Variants in RSKR observed in about 807,000 individuals in gnomAD.
RSKR encodes ribosomal protein S6 kinase related, also known as ribosomal protein S6 kinase-related protein.
Under a neutral mutation model 56.8 loss-of-function variants are expected in RSKR, and 44 were observed. The ratio of observed to expected loss-of-function variants is 0.77; its 90% confidence interval spans 0.61 to 1.00. The LOEUF is 1.00. Among genes scored for constraint, RSKR ranks in the 50% least tolerant of loss-of-function variants. RSKR has a pLI of 0.00. For missense variants in RSKR, 510 were observed against 506.9 expected (o/e 1.01, Z -0.06); for synonymous variants, 181 against 188.0 (o/e 0.96, Z 0.30).
At chr17:28,612,890 G>C in intron 4 of RSKR, 188 bp downstream of exon 4, 1 of 750,682 alleles carries the variant, frequency 1.3e-6, no homozygotes. Context: ...ATGCTTCAGA[G>C]ATTTCCCTAG....
rs1441986337 is a variant in RSKR, at chr17:28,609,013, T to TCTC, written c.*1464_*1465insGAG. ...TTACTAAAGGAAAAGGTTATTGAGATATGTCTCTAACCTTAAATCTTTTTT... is the reference window on the plus strand; with the variant it reads ...TTACTAAAGGAAAAGGTTATTGAGATCTCATGTCTCTAACCTTAAATCTTTTTT... On this transcript the variant is annotated 3_prime_UTR_variant, in exon 12 of 12. Coordinates refer to ENST00000301037, the MANE Select transcript of RSKR (RefSeq NM_001174103.2). 1 of 149,990 alleles carries TCTC rather than the reference T, an allele frequency of 6.7e-6. No homozygotes were observed. Among genetic ancestry groups the TCTC allele is most frequent in the Non-Finnish European group, 1.5e-5 (1 of 67,532 alleles). The allele number at this position is 149,990 out of a possible 1,614,324, so 9.3% of individuals were successfully genotyped here.
chr17:28,612,630 G>T lies in RSKR; in HGVS notation c.535C>A (p.His179Asn), dbSNP rs1291525036. Reference protein sequence around the residue: ...SLGDSWQGKRHLFIMCSYCST... With the variant: ...SLGDSWQGKRNLFIMCSYCST... ...TCCAGTCACTCACTAATGAAAAGGT[G>T]CCGTTTTCCCTGCCAGCTGTCCCCC... Residue 179 changes from histidine (H) to asparagine (N), a missense_variant, in exon 5 of 12, where the codon CAC (histidine) becomes AAC (asparagine). By Grantham distance (68) the His-to-Asn change is moderately conservative. Coordinates refer to ENST00000301037, the MANE Select transcript of RSKR (RefSeq NM_001174103.2). 6.2e-7 allele frequency: 1 copy of T among 1,614,160 alleles called. No individual in the cohort carries two copies. Among genetic ancestry groups the T allele is most frequent in the Non-Finnish European group, 8.5e-7 (1 of 1,180,024 alleles).
rs752920812 is a variant in RSKR at position 28,613,420 on chromosome 17, C to A, written c.324+20G>T. On this transcript the variant is annotated intron_variant, in intron 2 of 11. Transcript: ENST00000301037. ...TTCTCCCAAAGACTGAGACCCCACT[C>A]AGGGATTCCACTGACTTACCTTCAG... 2 of 1,614,086 alleles carry A rather than the reference C, an allele frequency of 1.2e-6. No homozygotes were observed. The highest frequency in any genetic ancestry group is 1.7e-6 in the Non-Finnish European group (2 of 1,180,036).
rs747205866 is a variant in RSKR, at chr17:28,612,672, G to A, written c.493C>T (p.Pro165Ser). 7 of 1,614,206 alleles carry A rather than the reference G, an allele frequency of 4.3e-6. No individual in the cohort carries two copies. The Admixed American group carries it at 1.2e-4, about 27-fold the overall frequency. The stretch of plus-strand genomic sequence containing the variant: ...CTGTCCCCCAAGCTGTGTACAAAGG[G>A]ATGGTTGATCTGTCGCTAGGAACAA... ...EVSIQRQINH[P>S]FVHSLGDSWQ... The change falls in exon 5 of 12, where the codon CCC (proline) becomes TCC (serine). Residue 165 changes from proline (P) to serine (S), a missense_variant. Transcript: ENST00000301037.
Position 28,612,363 on chromosome 17 carries a change from C to G in RSKR, c.551G>C (p.Cys184Ser), listed in dbSNP as rs1325147734. The G allele has an allele frequency of 3.1e-6, 5 of 1,613,830 alleles. No homozygotes were observed. Among genetic ancestry groups the G allele is most frequent in the Non-Finnish European group, 4.2e-6 (5 of 1,179,826 alleles). Residue 184 changes from cysteine to serine, a missense_variant, in exon 6 of 12, where the codon TGT (cysteine) becomes TCT (serine). Coordinates refer to ENST00000301037, the MANE Select transcript of RSKR (RefSeq NM_001174103.2). ...WQGKRHLFIM[C>S]SYCSTDLYSL... is the part of the protein sequence containing the mutation. ...GTACAGATCTGTGCTGCAGTAGCTA[C>G]ACACTGCAAAGCCAGTGTGGAGCTA... is the stretch of plus-strand genomic sequence containing the variant.
chr17:28,609,475 C>T lies in RSKR; in HGVS notation c.*1003G>A, dbSNP rs1263688002. 1 of 152,040 alleles carries T rather than the reference C, an allele frequency of 6.6e-6. No homozygotes were observed. The highest frequency in any genetic ancestry group is 6.5e-5 in the Admixed American group (1 of 15,272). The allele number at this position is 152,040 out of a possible 1,614,324, so 9.4% of individuals were successfully genotyped here. ...ATAGACCTAGAGAAGACATTTAACC[C>T]ACCCATGTTTCAGTTTCTATTTTCT... On this transcript the variant is annotated 3_prime_UTR_variant, in exon 12 of 12. Coordinates refer to ENST00000301037, the MANE Select transcript of RSKR (RefSeq NM_001174103.2).
At chr17:28,611,894 A>C in intron 7 of RSKR, 99 bp from the exon 8 acceptor site, 1 of 1,611,582 alleles carries the variant, frequency 6.2e-7, no homozygotes, top group South Asian at 1.1e-5. Flanking sequence ...CTCAGCACTC[A>C]AATCTATACT....
Position 28,614,173 on chromosome 17 carries a change from G to A in RSKR, c.-12C>T. On this transcript the variant is annotated 5_prime_UTR_variant, in exon 1 of 12. Transcript: ENST00000301037. Reference sequence around the variant, plus strand: ...CTTACTGCTCCCATTCCCAGCCTCTGCCTCCTCTCTCTGCTAAATCTGCTG... The same window carrying A: ...CTTACTGCTCCCATTCCCAGCCTCTACCTCCTCTCTCTGCTAAATCTGCTG... 2 of 1,612,958 alleles carry A rather than the reference G, an allele frequency of 1.2e-6. No individual in the cohort carries two copies. The highest frequency in any genetic ancestry group is 1.7e-6 in the Non-Finnish European group (2 of 1,179,952).
At position 28,613,675 on chromosome 17, in the gene RSKR, A is replaced by T. The variant is rs955452519; in HGVS notation, c.89T>A (p.Ile30Asn). 10 of 1,613,828 alleles carry T rather than the reference A, an allele frequency of 6.2e-6. No individual in the cohort carries two copies. Among genetic ancestry groups the T allele is most frequent in the African/African-American group, 1.3e-5 (1 of 74,836 alleles). The change falls in exon 2 of 12, where the codon ATC (isoleucine) becomes AAC (asparagine). Residue 30 changes from isoleucine to asparagine, a missense_variant. Physicochemically the swap from Ile to Asn is moderately radical, Grantham distance 149. Transcript: ENST00000301037. Reference protein sequence around the residue: ...VAVPHKQGGNIRGPWARGWKS... With the variant: ...VAVPHKQGGNNRGPWARGWKS... ...CCAGCCTCGGGCCCAGGGACCCCGG[A>T]TGTTGCCACCCTGCTGAGAACCAAG... is the stretch of plus-strand genomic sequence containing the variant.
chr17:28,610,122 C>A lies in RSKR; in HGVS notation c.*356G>T, dbSNP rs1222631612. 4 of 228,138 alleles carry A rather than the reference C, an allele frequency of 1.8e-5. No individual in the cohort carries two copies. Among genetic ancestry groups the A allele is most frequent in the Non-Finnish European group, 3.5e-5 (4 of 114,584 alleles). The allele number at this position is 228,138 out of a possible 1,614,324, so 14.1% of individuals were successfully genotyped here. A position where few individuals can be genotyped will look rare whatever the true frequency, so the allele number is the denominator to read the frequency against. On this transcript the variant is annotated 3_prime_UTR_variant, in exon 12 of 12. Transcript: ENST00000301037. Reference sequence around the variant, plus strand: ...ACACATCAATAGCACCCTGGGAGCCCATGAAGTATTATTATTGCTCAAGAA... The same window carrying A: ...ACACATCAATAGCACCCTGGGAGCCAATGAAGTATTATTATTGCTCAAGAA...
intron 5 of RSKR, 124 bp from the exon 6 acceptor site, chr17:28,612,490 C>T: frequency 7.3e-7 from 1 of 1,376,818 alleles, no homozygotes; most frequent in Non-Finnish European, 1.0e-6. Context: ...CTGTTCCCCT[C>T]CCTTTGGGAC....
At chr17:28,611,317 A>C in intron 10 of RSKR, 64 bp from the exon 11 acceptor site, 1 of 1,529,538 alleles carries the variant, frequency 6.5e-7, no homozygotes, top group East Asian at 2.5e-5. Flanking sequence ...GAATACGGCA[A>C]GATTTCCTAA....
At chr17:28,610,897 T>C in intron 11 of RSKR, 198 bp from the exon 12 acceptor site, 1 of 668,716 alleles carries the variant, frequency 1.5e-6, no homozygotes, top group Non-Finnish European at 2.5e-6. Context: ...GCTTGTGAGT[T>C]TTCAGATGAG....
intron 3 of RSKR, 31 bp downstream of exon 3, chr17:28,613,231 A>T (rs748563248): frequency 1.9e-6 from 3 of 1,613,584 alleles, no homozygotes; most frequent in Non-Finnish European, 2.5e-6. Context: ...AAGATTGGAA[A>T]CAGAGACTAA....
At position 28,610,539 on chromosome 17, in the gene RSKR, A is replaced by G. The variant is rs2070797382; in HGVS notation, c.1172T>C (p.Met391Thr). ...QATQPSSAET[M>T]PFDDFDCDLE... Reference sequence around the variant, plus strand: ...ATCACAGTCAAAGTCGTCAAAGGGCATGGTCTCCGCTGAACTGGGCTGGGT... The same window carrying G: ...ATCACAGTCAAAGTCGTCAAAGGGCGTGGTCTCCGCTGAACTGGGCTGGGT... The change falls in exon 12 of 12, where the codon ATG (methionine) becomes ACG (threonine). Residue 391 changes from methionine (M) to threonine (T), a missense_variant. Physicochemically the swap from Met to Thr is moderately conservative, Grantham distance 81. Transcript: ENST00000301037. 1 of 1,535,984 alleles carries G rather than the reference A, an allele frequency of 6.5e-7. No individual in the cohort carries two copies. The highest frequency in any genetic ancestry group is 1.4e-5 in the African/African-American group (1 of 73,038).
At chr17:28,613,955 C>A in intron 1 of RSKR, 132 bp downstream of exon 1, 1 of 1,215,268 alleles carries the variant, frequency 8.2e-7, no homozygotes, top group Admixed American at 2.1e-5. Flanking sequence ...GTGATGCTTT[C>A]ATAGTACAGC....
intron 5 of RSKR, 51 bp from the exon 6 acceptor site, chr17:28,612,417 T>C (rs1346872324): frequency 1.3e-6 from 2 of 1,574,178 alleles, no homozygotes; most frequent in East Asian, 2.3e-5. Flanking sequence ...TAGGCAATGT[T>C]TGGGAGCTGC....
At chr17:28,611,312 C>A in intron 10 of RSKR, 59 bp from the exon 11 acceptor site, 1 of 1,529,596 alleles carries the variant, frequency 6.5e-7, no homozygotes, top group South Asian at 1.2e-5. Flanking sequence ...AGTAGGAATA[C>A]GGCAAGATTT....
chr17:28,611,964 G>C (rs2070821762), intron 7 of RSKR, 80 bp downstream of exon 7: 1 of 1,613,930 alleles, frequency 6.2e-7, no homozygotes, highest in Admixed American at 1.7e-5. Context: ...ACAGTTCTCA[G>C]CTCCCTAACT....
Sources: allele counts gnomAD v4.1 joint callset, GRCh38; gene constraint gnomAD v4.1.1; transcripts MANE v1.5; gene names NCBI Gene and HGNC (gene_info 2026-07-23, HGNC 2026-07-21).